Variants in HHAT observed in about 807,000 individuals in gnomAD.
HHAT encodes the protein protein-cysteine N-palmitoyltransferase HHAT.
In HHAT, 47 loss-of-function variants were observed where a neutral mutation model predicts 70.8. The observed-to-expected ratio is 0.66, with a 90% confidence interval of 0.53 to 0.85. The LOEUF is 0.85. HHAT is among the 40% of genes least tolerant of loss of function. The pLI is 0.00. For synonymous variants in HHAT, 228 were observed against 247.6 expected (o/e 0.92, Z 0.74); for missense variants, 609 against 604.8 (o/e 1.01, Z -0.07).
At chr1:210,603,775 A>T (rs1466289474) in intron 10 of HHAT, among the ~76,000 whole-genome samples, 3 of 152,168 alleles carry the variant, frequency 2.0e-5, no homozygotes, top group African/African-American at 7.2e-5. Flanking sequence ...AAAGTATCTC[A>T]CATTCCTTCC....
intron 9 of HHAT, among the ~76,000 whole-genome samples, chr1:210,581,805 G>A (rs753319987): frequency 2.0e-5 from 3 of 152,054 alleles, no homozygotes; most frequent in Non-Finnish European, 4.4e-5. Context: ...GCTTATAATG[G>A]GTCCATGACA....
At chr1:210,450,726 T>C (rs951750964) in intron 7 of HHAT, among the ~76,000 whole-genome samples, 1 of 151,884 alleles carries the variant, frequency 6.6e-6, no homozygotes, top group African/African-American at 2.4e-5. Flanking sequence ...TCCCCTGGAA[T>C]GCTAGCAAAT....
chr1:210,624,398 G>C (rs1669455854), intron 11 of HHAT, among the ~76,000 whole-genome samples: 2 of 152,160 alleles, frequency 1.3e-5, no homozygotes, highest in South Asian at 4.1e-4. Context: ...GACACCTACT[G>C]TCTGTGGGTC....
intron 8 of HHAT, among the ~76,000 whole-genome samples, chr1:210,472,913 T>C (rs575051285): frequency 6.6e-6 from 1 of 152,302 alleles, no homozygotes; most frequent in East Asian, 1.9e-4. Flanking sequence ...CTAGAATCGA[T>C]AGAAAGGAAT....
chr1:210,661,290 G>A (rs1308098784), intron 11 of HHAT, among the ~76,000 whole-genome samples: 1 of 152,184 alleles, frequency 6.6e-6, no homozygotes, highest in Non-Finnish European at 1.5e-5. Flanking sequence ...AGACATTTAT[G>A]CAGCCAACAG....
At chr1:210,596,070 T>C (rs1662926670) in intron 10 of HHAT, among the ~76,000 whole-genome samples, 1 of 152,218 alleles carries the variant, frequency 6.6e-6, no homozygotes, top group Admixed American at 6.5e-5. Flanking sequence ...TGGTATTGCC[T>C]AGGTTTTTCT....
intron 9 of HHAT, among the ~76,000 whole-genome samples, chr1:210,566,403 T>C (rs909225757): frequency 5.9e-5 from 9 of 152,052 alleles, no homozygotes; most frequent in African/African-American, 2.2e-4. Context: ...AAAGGCCCCA[T>C]CCTCAAGCCT....
intron 11 of HHAT, among the ~76,000 whole-genome samples, chr1:210,626,326 T>G (rs1669825847): frequency 6.6e-6 from 1 of 152,186 alleles, no homozygotes; most frequent in South Asian, 2.1e-4. Context: ...CCAGCTATGG[T>G]CTGTGACTGA....
At chr1:210,529,186 T>G (rs1270141503) in intron 9 of HHAT, among the ~76,000 whole-genome samples, 1 of 152,026 alleles carries the variant, frequency 6.6e-6, no homozygotes, top group Non-Finnish European at 1.5e-5. Flanking sequence ...ACGCCTGTAA[T>G]CCCAGCTACT....
intron 9 of HHAT, among the ~76,000 whole-genome samples, chr1:210,540,926 C>T (rs891928387): frequency 6.6e-6 from 1 of 152,076 alleles, no homozygotes; most frequent in African/African-American, 2.4e-5. Flanking sequence ...CTGCAACCTC[C>T]GCCTCCTGGG....
At chr1:210,350,175 T>G (rs1429690629) in intron 2 of HHAT, among the ~76,000 whole-genome samples, 1 of 152,180 alleles carries the variant, frequency 6.6e-6, no homozygotes, top group African/African-American at 2.4e-5. Context: ...GTCAATTTGT[T>G]GATATCTACA....
At chr1:210,361,799 C>G (rs1357541186) in intron 2 of HHAT, among the ~76,000 whole-genome samples, 1 of 152,070 alleles carries the variant, frequency 6.6e-6, no homozygotes, top group Non-Finnish European at 1.5e-5. Context: ...ATACTGAGAA[C>G]TTGTAAGTCT....
chr1:210,411,733 G>C (rs1016224377), intron 6 of HHAT, among the ~76,000 whole-genome samples: 2 of 152,136 alleles, frequency 1.3e-5, no homozygotes, highest in Non-Finnish European at 2.9e-5. Context: ...GCAATAGAGT[G>C]ACACCCTGTG....
intron 3 of HHAT, among the ~76,000 whole-genome samples, chr1:210,363,795 G>T (rs1423968392): frequency 6.6e-6 from 1 of 152,124 alleles, no homozygotes; most frequent in Non-Finnish European, 1.5e-5. Context: ...TTTACTTTAT[G>T]TAATATACCA....
intron 9 of HHAT, among the ~76,000 whole-genome samples, chr1:210,583,935 A>G (rs1659812721): frequency 6.9e-6 from 1 of 145,270 alleles, no homozygotes; most frequent in Non-Finnish European, 1.5e-5. Flanking sequence ...TCTGACATAT[A>G]CAGTGCAGCT....
At chr1:210,432,610 C>T (rs761651264) in intron 7 of HHAT, among the ~76,000 whole-genome samples, 1 of 151,914 alleles carries the variant, frequency 6.6e-6, no homozygotes, top group African/African-American at 2.4e-5. Flanking sequence ...GATGACTTAA[C>T]TGCCACGTAG....
intron 10 of HHAT, among the ~76,000 whole-genome samples, chr1:210,595,992 T>G (rs1573599215): frequency 6.6e-6 from 1 of 152,360 alleles, no homozygotes; most frequent in East Asian, 1.9e-4. Context: ...ATTTGTCAAT[T>G]TTGGCTTTTG....
At chr1:210,585,007 A>G (rs1220140787) in intron 9 of HHAT, among the ~76,000 whole-genome samples, 1 of 152,212 alleles carries the variant, frequency 6.6e-6, no homozygotes, top group Admixed American at 6.5e-5. Context: ...CTGTTTTTGC[A>G]CAAAGGAAAG....
intron 1 of HHAT, among the ~76,000 whole-genome samples, chr1:210,329,807 G>T (rs2084828448): frequency 6.6e-6 from 1 of 152,220 alleles, no homozygotes; most frequent in Non-Finnish European, 1.5e-5. Flanking sequence ...GAGTGCAATG[G>T]CACAATCTCA....
Sources: gnomAD v4.1 joint callset for allele counts (sites outside exome capture counted in the v4.1 genomes callset) on GRCh38, gnomAD v4.1.1 for gene constraint, MANE v1.5 for transcripts, NCBI Gene and HGNC (gene_info 2026-07-23, HGNC 2026-07-21) for gene names.